KLHL28: variants seen among roughly 807,000 people sequenced by gnomAD.
KLHL28 encodes the protein kelch-like protein 28.
A neutral mutation model predicts 48.3 loss-of-function variants in KLHL28; 22 were observed. That is an observed-to-expected ratio of 0.46 (90% CI 0.33 to 0.65). The LOEUF (loss-of-function observed/expected upper bound fraction) is 0.65, where lower values mean the gene tolerates loss of function less well. Ranked by LOEUF, KLHL28 falls within the 30% of genes least tolerant of loss-of-function variation. The probability of loss-of-function intolerance (pLI) is 0.03; values close to 1 mark genes in which losing one functional copy is unlikely to be tolerated. For missense variants in KLHL28, 527 were observed against 704.3 expected (o/e 0.75, Z 2.85); for synonymous variants, 243 against 242.4 (o/e 1.00, Z -0.02).
intron 1 of KLHL28, among the ~76,000 whole-genome samples, chr14:44,959,155 A>G (rs1179597534): frequency 1.3e-5 from 2 of 152,124 alleles, no homozygotes; most frequent in East Asian, 3.9e-4. Flanking sequence ...ATTTTATCCT[A>G]AAGTTTCAAC....
At position 44,929,003 on chromosome 14, in the gene KLHL28, T is replaced by C; in HGVS notation, c.*25A>G. 6.2e-7 allele frequency: 1 copy of C among 1,610,978 alleles called. No homozygotes were observed. Among genetic ancestry groups the C allele is most frequent in the African/African-American group, 1.3e-5 (1 of 74,922 alleles). ...TCATGCAGTACAAGTTTCACCACCA[T>C]ACTATTTCCGAGAGTTCACATTTGT... On this transcript the variant is annotated 3_prime_UTR_variant, in exon 5 of 5. Coordinates refer to ENST00000396128, the MANE Select transcript of KLHL28 (RefSeq NM_017658.5).
intron 2 of KLHL28, among the ~76,000 whole-genome samples, chr14:44,936,833 G>A (rs1883844001): frequency 6.6e-6 from 1 of 152,148 alleles, no homozygotes; most frequent in African/African-American, 2.4e-5. Context: ...AGGCAAGATG[G>A]AAGATAAGAA....
At position 44,934,535 on chromosome 14, in the gene KLHL28, T is replaced by C; in HGVS notation, c.923A>G (p.Asn308Ser). The change falls in exon 3 of 5, where the codon AAT becomes AGT. Residue 308 changes from asparagine (N) to serine (S), a missense_variant. Coordinates refer to ENST00000396128, the MANE Select transcript of KLHL28 (RefSeq NM_017658.5). Reference protein sequence around the residue: ...LDSVEMYFPQNDSWIGLAPLN... With the variant: ...LDSVEMYFPQSDSWIGLAPLN... Reference sequence around the variant, plus strand: ...GGGTGCCAAACCAATCCAAGAGTCATTCTGAGGAAAGTACATCTCCACACT... The same window carrying C: ...GGGTGCCAAACCAATCCAAGAGTCACTCTGAGGAAAGTACATCTCCACACT... 6.3e-7 allele frequency: 1 copy of C among 1,593,596 alleles called. No homozygotes were observed. The highest frequency in any genetic ancestry group is 8.5e-7 in the Non-Finnish European group (1 of 1,170,820).
chr14:44,934,263 A>G lies in KLHL28; in HGVS notation c.1195T>C (p.Tyr399His). The change falls in exon 3 of 5, where the codon TAT becomes CAT. Residue 399 changes from tyrosine to histidine, a missense_variant. Tyr to His is a moderately conservative substitution (Grantham distance 83). Coordinates refer to ENST00000396128, the MANE Select transcript of KLHL28 (RefSeq NM_017658.5). Reference protein sequence around the residue: ...YALGGYDGQSYLQSVEKYIPK... With the variant: ...YALGGYDGQSHLQSVEKYIPK... ...ATGTACTTCTCTACAGATTGTAAAT[A>G]AGATTGTCCATCATAACCACCTAAG... 1.2e-6 allele frequency: 2 copies of G among 1,614,184 alleles called. No individual in the cohort carries two copies. Among genetic ancestry groups the G allele is most frequent in the Non-Finnish European group, 1.7e-6 (2 of 1,180,016 alleles).
intron 3 of KLHL28, among the ~76,000 whole-genome samples, chr14:44,933,734 A>T (rs1382323632): frequency 6.6e-6 from 1 of 152,220 alleles, no homozygotes; most frequent in Non-Finnish European, 1.5e-5. Flanking sequence ...ATAATATTGT[A>T]TAGACACACA....
chr14:44,935,723 A>G (rs879054434), intron 2 of KLHL28, among the ~76,000 whole-genome samples: 1 of 151,376 alleles, frequency 6.6e-6, no homozygotes, highest in African/African-American at 2.4e-5. Context: ...TTCTGGAGGA[A>G]GGGAGATGGC....
At chr14:44,947,426 T>G (rs1284443925) in intron 1 of KLHL28, among the ~76,000 whole-genome samples, 1 of 152,226 alleles carries the variant, frequency 6.6e-6, no homozygotes, top group Non-Finnish European at 1.5e-5. Context: ...GCAACTGAGT[T>G]TGTGTAATTT....
In KLHL28 at chr14:44,929,199, AGGTTGGC is replaced by A; in HGVS notation, c.1553-15_1553-9del. The A allele has an allele frequency of 1.3e-6, 2 of 1,588,426 alleles. No individual in the cohort carries two copies. The highest frequency in any genetic ancestry group is 1.8e-5 in the Admixed American group (1 of 56,306). On this transcript the variant is annotated splice_polypyrimidine_tract_variant and intron_variant, in intron 4 of 4. Coordinates refer to ENST00000396128, the MANE Select transcript of KLHL28 (RefSeq NM_017658.5). Reference sequence around the variant, plus strand: ...TTACAGCAGCACCAACTCCTAGGAAAGGTTGGCAAAAAGAAGATAGAAACATGTTAAC... The same window carrying A: ...TTACAGCAGCACCAACTCCTAGGAAAAAAAAGAAGATAGAAACATGTTAAC...
Position 44,945,745 on chromosome 14 carries a change from C to T in KLHL28, c.184G>A (p.Ala62Thr). The change falls in exon 2 of 5, where the codon GCT becomes ACT. Residue 62 changes from alanine (A) to threonine (T), a missense_variant. Ala to Thr is a moderately conservative substitution (Grantham distance 58). Transcript: ENST00000396128. ...VLASVSPYFK[A>T]MFTGNLSEKE... ...TCAGAAAGGTTTCCAGTGAACATAG[C>T]TTTGAAATACGGGCTGACGCTGGCA... The T allele has an allele frequency of 6.2e-7, 1 of 1,614,136 alleles. No homozygotes were observed. The highest frequency in any genetic ancestry group is 8.5e-7 in the Non-Finnish European group (1 of 1,180,028).
chr14:44,939,627 T>C (rs903515054), intron 2 of KLHL28, among the ~76,000 whole-genome samples: 1 of 152,216 alleles, frequency 6.6e-6, no homozygotes, highest in Admixed American at 6.5e-5. Flanking sequence ...GGGTCTTTGC[T>C]AATATATAGC....
At chr14:44,937,124 A>T (rs1007953497) in intron 2 of KLHL28, among the ~76,000 whole-genome samples, 13 of 151,306 alleles carry the variant, frequency 8.6e-5, no homozygotes, top group Non-Finnish European at 1.5e-4. Context: ...TCAGAATTGA[A>T]TTGTTTTTTT....
chr14:44,940,792 A>G (rs1884039235), intron 2 of KLHL28, among the ~76,000 whole-genome samples: 1 of 152,136 alleles, frequency 6.6e-6, no homozygotes, highest in Admixed American at 6.5e-5. Flanking sequence ...ATAAGCATTC[A>G]TCTATCTTAT....
chr14:44,939,201 G>C (rs930495869), intron 2 of KLHL28, among the ~76,000 whole-genome samples: 2 of 152,126 alleles, frequency 1.3e-5, no homozygotes, highest in Admixed American at 6.5e-5. Flanking sequence ...GGTGGCCATG[G>C]GCAGTGAGCA....
intron 1 of KLHL28, among the ~76,000 whole-genome samples, chr14:44,949,541 G>A (rs1183027456): frequency 1.3e-5 from 2 of 152,062 alleles, no homozygotes; most frequent in Non-Finnish European, 2.9e-5. Flanking sequence ...TTAATGGAAT[G>A]AGGCCTAGAG....
At chr14:44,936,251 CA>C in intron 2 of KLHL28, among the ~76,000 whole-genome samples, 1 of 151,862 alleles carries the variant, frequency 6.6e-6, no homozygotes, top group Admixed American at 6.6e-5. Context: ...ACCATGGGAC[CA>C]GAGGGGATTA....
In KLHL28 at chr14:44,941,141, C is replaced by A. The variant is rs954577265; in HGVS notation, c.899+3889G>T. On this transcript the variant is annotated intron_variant, in intron 2 of 4. Coordinates refer to ENST00000396128, the MANE Select transcript of KLHL28 (RefSeq NM_017658.5). ...GTCTCCAAATAAACAAAAAAAAACT[C>A]ATGTCTCTCTCTTCAAGAACAAAAT... is the stretch of plus-strand genomic sequence containing the variant. 2.6e-5 allele frequency among the ~76,000 whole-genome samples: 4 copies of A among 152,032 alleles called. No homozygotes were observed. The South Asian group carries it at 8.3e-4, about 32-fold the overall frequency.
At chr14:44,948,618 T>C (rs1884443702) in intron 1 of KLHL28, among the ~76,000 whole-genome samples, 1 of 152,124 alleles carries the variant, frequency 6.6e-6, no homozygotes, top group South Asian at 2.1e-4. Flanking sequence ...TACGTCTCAC[T>C]GTACTAAATT....
At position 44,947,360 on chromosome 14, in the gene KLHL28, A is replaced by G. The variant is rs530907251; in HGVS notation, c.1-1432T>C. The stretch of plus-strand genomic sequence containing the variant: ...CACCTTAATTTTAGCCCACTGACAC[A>G]AATTTCAGACTTCTGGCCTCCAAAA... On this transcript the variant is annotated intron_variant, in intron 1 of 4. Coordinates refer to ENST00000396128, the MANE Select transcript of KLHL28 (RefSeq NM_017658.5). Among the ~76,000 whole-genome samples, 4 of 152,326 alleles carry G rather than the reference A, an allele frequency of 2.6e-5. No individual in the cohort carries two copies. The South Asian group carries it at 8.3e-4, about 32-fold the overall frequency.
At chr14:44,960,852 C>A in intron 1 of KLHL28, 1 of 1,320,778 alleles carries the variant, frequency 7.6e-7, no homozygotes. Flanking sequence ...CTCATTTATT[C>A]CAAGACTTTA....
Sources: allele counts gnomAD v4.1 joint callset (sites outside exome capture counted in the v4.1 genomes callset), GRCh38; gene constraint gnomAD v4.1.1; transcripts MANE v1.5; gene names NCBI Gene and HGNC (gene_info 2026-07-23, HGNC 2026-07-21).